The following BBS9 variants were observed in gnomAD, a reference collection of about 807,000 sequenced individuals.
BBS9 encodes protein PTHB1.
Under a neutral mutation model 117.7 loss-of-function variants are expected in BBS9, and 89 were observed. The observed-to-expected ratio is 0.76, with a 90% CI of 0.64 to 0.90. BBS9 has a LOEUF of 0.90. BBS9 is among the 40% of genes least tolerant of loss of function. The pLI, the probability that BBS9 is intolerant of heterozygous loss-of-function variation, is 0.00. For synonymous variants in BBS9, 379 were observed against 370.9 expected (o/e 1.02, Z -0.25); for missense variants, 982 against 1,042.2 (o/e 0.94, Z 0.80).
At chr7:33,392,036 T>C (rs1050366603) in intron 19 of BBS9, among the ~76,000 whole-genome samples, 2 of 152,200 alleles carry the variant, frequency 1.3e-5, no homozygotes, top group Admixed American at 1.3e-4. Context: ...AATGTACTTT[T>C]TTCACTCCAT....
At chr7:33,137,568 T>A (rs1176679305) in intron 1 of BBS9, among the ~76,000 whole-genome samples, 1 of 152,204 alleles carries the variant, frequency 6.6e-6, no homozygotes, top group Non-Finnish European at 1.5e-5. Context: ...CCCATTTTTT[T>A]ATCAAAGGAA....
rs546359350 is a variant in BBS9 at position 33,351,331 on chromosome 7, T to C, written c.1537+8T>C. The C allele has an allele frequency of 1.3e-6, 2 of 1,561,986 alleles. No individual in the cohort carries two copies. Among genetic ancestry groups the C allele is most frequent in the African/African-American group, 2.7e-5 (2 of 73,892 alleles). On this transcript the variant is annotated splice_region_variant and intron_variant, in intron 14 of 22. Coordinates refer to ENST00000242067, the MANE Select transcript of BBS9 (RefSeq NM_198428.3). ...CTTATTCCAGACCAACAGGTAAACA[T>C]ACAGGCTTAATCATTACTTTAAGTT...
chr7:33,348,884 G>T (rs1436261414), intron 12 of BBS9, among the ~76,000 whole-genome samples, 184 bp from the exon 13 acceptor site: 1 of 152,072 alleles, frequency 6.6e-6, no homozygotes, highest in Non-Finnish European at 1.5e-5. Context: ...TTTAGCTTTT[G>T]TGCACAGTTT....
At chr7:33,393,703 A>T (rs1419898) in intron 19 of BBS9, among the ~76,000 whole-genome samples, 132,483 of 152,130 alleles carry the variant, frequency 0.87, 57,958 homozygotes, top group African/African-American at 0.97. Context: ...GCTCAAGTGC[A>T]TCTTTTTGGG....
intron 21 of BBS9, among the ~76,000 whole-genome samples, chr7:33,572,097 A>G (rs937145274): frequency 1.3e-5 from 2 of 151,222 alleles, no homozygotes; most frequent in Non-Finnish European, 3.0e-5. Context: ...GCTCCTCACT[A>G]CCCTCCCAGC....
intron 21 of BBS9, among the ~76,000 whole-genome samples, chr7:33,552,424 G>T: frequency 6.6e-6 from 1 of 151,972 alleles, no homozygotes; most frequent in East Asian, 1.9e-4. Flanking sequence ...CACTTCCATT[G>T]GCCCCTCCAC....
At chr7:33,552,503 C>T (rs180894525) in intron 21 of BBS9, among the ~76,000 whole-genome samples, 2 of 152,232 alleles carry the variant, frequency 1.3e-5, no homozygotes, top group Non-Finnish European at 1.5e-5. Context: ...GTTTTCAGCC[C>T]TGAGTCAATC....
intron 9 of BBS9, among the ~76,000 whole-genome samples, chr7:33,305,812 T>C (rs1807798953): frequency 6.6e-6 from 1 of 152,092 alleles, no homozygotes; most frequent in Admixed American, 6.6e-5. Flanking sequence ...TTACGCTGGC[T>C]GAGGGTTTGC....
rs896759495 is a variant in BBS9, at chr7:33,383,590, G to T, written c.1790-76G>T. On this transcript the variant is annotated intron_variant, in intron 17 of 22. Coordinates refer to ENST00000242067, the MANE Select transcript of BBS9 (RefSeq NM_198428.3). ...GAAATCTTTGAACTTTTAAAGTCAG[G>T]ATTAGTGATAGTTCATGTAGCTTTA... 2.0e-5 allele frequency: 26 copies of T among 1,288,048 alleles called. No homozygotes were observed. The African/African-American group carries it at 3.2e-4, about 16-fold the overall frequency. The allele number at this position is 1,288,048 out of a possible 1,614,324, so 79.8% of individuals were successfully genotyped here.
intron 4 of BBS9, among the ~76,000 whole-genome samples, chr7:33,166,976 G>A (rs943130133): frequency 6.6e-6 from 1 of 152,208 alleles, no homozygotes; most frequent in African/African-American, 2.4e-5. Context: ...GTCACGCTGG[G>A]AGCTGCAGAT....
intron 5 of BBS9, among the ~76,000 whole-genome samples, chr7:33,220,333 T>C (rs1436552121): frequency 6.6e-6 from 1 of 152,188 alleles, no homozygotes; most frequent in Admixed American, 6.5e-5. Flanking sequence ...TGTTGAGGGA[T>C]GGTCAGGGCA....
At chr7:33,174,319 C>T (rs1348186691) in intron 4 of BBS9, among the ~76,000 whole-genome samples, 1 of 152,182 alleles carries the variant, frequency 6.6e-6, no homozygotes, top group African/African-American at 2.4e-5. Flanking sequence ...AGAACCTCTA[C>T]TTTGGATCCC....
intron 19 of BBS9, among the ~76,000 whole-genome samples, chr7:33,468,454 A>G (rs568589067): frequency 1.6e-4 from 25 of 152,312 alleles, no homozygotes; most frequent in Non-Finnish European, 2.6e-4. Flanking sequence ...ATACATGTAT[A>G]CAATGTATTA....
chr7:33,318,011 C>G (rs1330593143), intron 9 of BBS9, among the ~76,000 whole-genome samples: 1 of 152,124 alleles, frequency 6.6e-6, no homozygotes, highest in African/African-American at 2.4e-5. Flanking sequence ...GAGATCACAC[C>G]ACTGCACTCC....
At chr7:33,567,211 G>C (rs536438172) in intron 21 of BBS9, among the ~76,000 whole-genome samples, 1 of 152,124 alleles carries the variant, frequency 6.6e-6, no homozygotes, top group South Asian at 2.1e-4. Context: ...ATGATACAGT[G>C]CTCTTTATGT....
rs10253574 is a variant in BBS9 at position 33,307,458 on chromosome 7, G to T, written c.1017-28983G>T. On this transcript the variant is annotated intron_variant, in intron 9 of 22. Coordinates refer to ENST00000242067, the MANE Select transcript of BBS9 (RefSeq NM_198428.3). Reference sequence around the variant, plus strand: ...TGTGTTTACAAAATTGGCTTGTCCAGTTTAGAAGTATAATCTTTGCCTTAA... The same window carrying T: ...TGTGTTTACAAAATTGGCTTGTCCATTTTAGAAGTATAATCTTTGCCTTAA... Among the ~76,000 whole-genome samples, 1,046 of 151,398 alleles carry T rather than the reference G, an allele frequency of 6.9e-3. 18 individuals carry two copies. The highest frequency in any genetic ancestry group is 0.048 in the South Asian group (232 of 4,796).
At chr7:33,289,002 G>A (rs191832167) in intron 9 of BBS9, among the ~76,000 whole-genome samples, 1 of 152,184 alleles carries the variant, frequency 6.6e-6, no homozygotes, top group Admixed American at 6.5e-5. Context: ...AGCAGAATAC[G>A]GTAGGTCCAT....
chr7:33,448,172 C>T (rs1189655984), intron 19 of BBS9, among the ~76,000 whole-genome samples: 5 of 152,206 alleles, frequency 3.3e-5, no homozygotes, highest in Admixed American at 1.3e-4. Context: ...ATAGCTGCAG[C>T]GTTGCCTTGG....
intron 20 of BBS9, among the ~76,000 whole-genome samples, chr7:33,527,018 C>T (rs1440180971): frequency 1.3e-5 from 2 of 151,216 alleles, no homozygotes; most frequent in African/African-American, 2.4e-5. Context: ...TGTGAGGTGT[C>T]AGTGTGCCCC....
Sources: gnomAD v4.1 joint callset for allele counts (sites outside exome capture counted in the v4.1 genomes callset) on GRCh38, gnomAD v4.1.1 for gene constraint, MANE v1.5 for transcripts, NCBI Gene and HGNC (gene_info 2026-07-23, HGNC 2026-07-21) for gene names.